AEBP1: variants seen among roughly 807,000 people sequenced by gnomAD.
AEBP1 encodes adipocyte enhancer-binding protein 1.
In AEBP1, 69 loss-of-function variants were observed where a neutral mutation model predicts 116.5. The ratio of observed to expected loss-of-function variants is 0.59; its 90% confidence interval spans 0.49 to 0.72. The LOEUF is 0.72. Among genes scored for constraint, AEBP1 ranks in the 30% least tolerant of loss-of-function variants. AEBP1 has a pLI of 0.00. For missense variants in AEBP1, 1,444 were observed against 1,557.5 expected (o/e 0.93, Z 1.23); for synonymous variants, 627 against 627.3 (o/e 1.00, Z 0.01).
rs1554327749 is a variant in AEBP1 at position 44,112,114 on chromosome 7, C to T, written c.2038-28C>T. 4 of 1,597,756 alleles carry T rather than the reference C, an allele frequency of 2.5e-6. No homozygotes were observed. The highest frequency in any genetic ancestry group is 3.4e-6 in the Non-Finnish European group (4 of 1,168,238). On this transcript the variant is annotated intron_variant, in intron 16 of 20. Transcript: ENST00000223357. This position sits in a 1 kb window ranked among gnomAD's most constrained non-coding sequence, Gnocchi z 6.6. ...TGGGGGTTGTGGGGGTGTGGGTAGC[C>T]GATGCCTACCCTGCTGGCTCCCCAC...
In AEBP1 at chr7:44,111,212, G is replaced by T; in HGVS notation, c.1689G>T (p.Arg563=). 6.6e-7 allele frequency: 1 copy of T among 1,515,700 alleles called. No individual in the cohort carries two copies. 93.9% of individuals were successfully genotyped at this position (1,515,700 alleles called of 1,614,324 possible). A position where few individuals can be genotyped will look rare whatever the true frequency, so the allele number is the denominator to read the frequency against. Residue 563 remains arginine, a synonymous_variant, in exon 14 of 21, where the codon CGG becomes CGT. Transcript: ENST00000223357. The surrounding 1 kb of genome is among the most constrained non-coding windows in gnomAD (Gnocchi z 4.7). ...TGGCCACCGATGACCTGGATTTCCG[G>T]CACCACAGCTACAAGGACATGCGCC... ...EVVATDDLDF[R]HHSYKDMRQL...
rs1346543844 is a variant in AEBP1, at chr7:44,110,346, A to G, written c.1400A>G (p.His467Arg). ...ACCCAGGGCAGAGACTCCAGCATCC[A>G]GTGCGTGGCCAGGCTCATGGATAGT... is the stretch of plus-strand genomic sequence containing the variant. ...VITQGRDSSI[H>R]DDFVTTFFVG... is the part of the protein sequence containing the mutation. The change falls in exon 11 of 21, where the codon CAT (histidine) becomes CGT (arginine). Residue 467 changes from histidine to arginine, a missense_variant and splice_region_variant. Transcript: ENST00000223357. 8 of 1,613,566 alleles carry G rather than the reference A, an allele frequency of 5.0e-6. No individual in the cohort carries two copies. The African/African-American group carries it at 1.1e-4, about 22-fold the overall frequency.
Position 44,113,994 on chromosome 7 carries a change from C to CGAGG in AEBP1, c.3210_3211insGAGG (p.Ile1071GlufsTer15). 6.2e-7 allele frequency: 1 copy of CGAGG among 1,613,972 alleles called. No homozygotes were observed. Among genetic ancestry groups the CGAGG allele is most frequent in the Non-Finnish European group, 8.5e-7 (1 of 1,179,954 alleles). Reference sequence around the variant, plus strand: ...GCACTACCATAGAGCCCTGGGGCCTCATACCGCCAACCACCGCTGGCTGGG... The same window carrying CGAGG: ...GCACTACCATAGAGCCCTGGGGCCTCGAGGATACCGCCAACCACCGCTGGCTGGG... On this transcript the variant is annotated frameshift_variant, in exon 21 of 21. Coordinates refer to ENST00000223357, the MANE Select transcript of AEBP1 (RefSeq NM_001129.5). LOFTEE classifies it low-confidence loss of function (END_TRUNC). The surrounding 1 kb of genome is among the most constrained non-coding windows in gnomAD (Gnocchi z 5.3).
At position 44,104,890 on chromosome 7, in the gene AEBP1, A is replaced by G; in HGVS notation, c.225A>G (p.Pro75=). The G allele has an allele frequency of 6.4e-7, 1 of 1,552,958 alleles. No homozygotes were observed. The highest frequency in any genetic ancestry group is 8.7e-7 in the Non-Finnish European group (1 of 1,148,390). Residue 75 remains proline, a synonymous_variant, in exon 1 of 21, where the codon CCA becomes CCG. Coordinates refer to ENST00000223357, the MANE Select transcript of AEBP1 (RefSeq NM_001129.5). ...GAAAAGCCCAGGCGGGGGGCAAGCC[A>G]GGGAAGCGGCCAGGGACGGCCGCAG... ...RVRKAQAGGK[P]GKRPGTAAEV...
intron 11 of AEBP1, 83 bp downstream of exon 11, chr7:44,110,429 T>C: frequency 6.3e-7 from 1 of 1,586,802 alleles, no homozygotes; most frequent in Non-Finnish European, 8.6e-7. Flanking sequence ...GAGATTCCAG[T>C]GGGCCCTTCT....
In AEBP1 at chr7:44,113,362, T is replaced by C. The variant is rs767557028; in HGVS notation, c.2809+11T>C. On this transcript the variant is annotated intron_variant, in intron 20 of 20. Transcript: ENST00000223357. This position sits in a 1 kb window ranked among gnomAD's most constrained non-coding sequence, Gnocchi z 5.3. ...ACGGCGTGAAGACAGGTACCTAGTGTGCACACCTTTACCCCATCTTTCTGA... is the reference window on the plus strand; with the variant it reads ...ACGGCGTGAAGACAGGTACCTAGTGCGCACACCTTTACCCCATCTTTCTGA... The C allele has an allele frequency of 2.5e-6, 4 of 1,606,596 alleles. No homozygotes were observed. The Admixed American group carries it at 6.8e-5, about 27-fold the overall frequency.
In AEBP1 at chr7:44,106,857, C is replaced by A; in HGVS notation, c.565C>A (p.Pro189Thr). The stretch of plus-strand genomic sequence containing the variant: ...GTGGCCACTGCCCCCACCCCCCAGC[C>A]CTGGCCCCGAGGAGCTACCCCAGGA... Reference protein sequence around the residue: ...LEWPLPPPPSPGPEELPQEGG... With the variant: ...LEWPLPPPPSTGPEELPQEGG... Residue 189 changes from proline (P) to threonine (T), a missense_variant, in exon 2 of 21, where the codon CCT becomes ACT. Pro to Thr is a conservative substitution (Grantham distance 38). Transcript: ENST00000223357. 1 of 1,595,896 alleles carries A rather than the reference C, an allele frequency of 6.3e-7. No homozygotes were observed. The highest frequency in any genetic ancestry group is 8.5e-7 in the Non-Finnish European group (1 of 1,172,810).
At position 44,113,499 on chromosome 7, in the gene AEBP1, C is replaced by T. The variant is rs1768663306; in HGVS notation, c.2810-95C>T. 7.9e-6 allele frequency: 10 copies of T among 1,263,760 alleles called. No individual in the cohort carries two copies. In the South Asian group the frequency reaches 1.4e-4, roughly 17 times the overall value. The allele number at this position is 1,263,760 out of a possible 1,614,324, so 78.3% of individuals were successfully genotyped here. On this transcript the variant is annotated intron_variant, in intron 20 of 20. Transcript: ENST00000223357. This position sits in a 1 kb window ranked among gnomAD's most constrained non-coding sequence, Gnocchi z 5.3. ...GAGGGCGGTGCTGGGGGCGGGAACT[C>T]AGAGGGGGAGGGCGGGGCTGGGGGC...
rs1189989178 is a variant in AEBP1 at position 44,112,650 on chromosome 7, C to T, written c.2310C>T (p.Ser770=). 1 of 1,613,296 alleles carries T rather than the reference C, an allele frequency of 6.2e-7. No individual in the cohort carries two copies. The highest frequency in any genetic ancestry group is 8.5e-7 in the Non-Finnish European group (1 of 1,179,968). ...ANLNGGERLV[S]YPYDMARTPT... ...TGAACGGCGGCGAGCGGCTAGTATC[C>T]TACCCCTACGATATGGCCCGCACGC... is the stretch of plus-strand genomic sequence containing the variant. The change falls in exon 18 of 21, where the codon TCC becomes TCT. Residue 770 remains serine (S), a synonymous_variant. Transcript: ENST00000223357. The surrounding 1 kb of genome is among the most constrained non-coding windows in gnomAD (Gnocchi z 6.6).
chr7:44,104,499 T>A lies in AEBP1; in HGVS notation c.-167T>A. On this transcript the variant is annotated 5_prime_UTR_variant, in exon 1 of 21. Coordinates refer to ENST00000223357, the MANE Select transcript of AEBP1 (RefSeq NM_001129.5). ...CCTTCCCGGGTCCCCTCGCCCACCCTAATCCACTCTCCCTCCCTTTCCCGG... is the reference window on the plus strand; with the variant it reads ...CCTTCCCGGGTCCCCTCGCCCACCCAAATCCACTCTCCCTCCCTTTCCCGG... 1.2e-5 allele frequency: 5 copies of A among 421,478 alleles called. No individual in the cohort carries two copies. Among genetic ancestry groups the A allele is most frequent in the Admixed American group, 4.7e-5 (1 of 21,186 alleles). The allele number at this position is 421,478 out of a possible 1,614,324, so 26.1% of individuals were successfully genotyped here. A position where few individuals can be genotyped will look rare whatever the true frequency, so the allele number is the denominator to read the frequency against.
In AEBP1 at chr7:44,108,055, A is replaced by T. The variant is rs1586046614; in HGVS notation, c.911A>T (p.Asp304Val). The change falls in exon 6 of 21, where the codon GAT (aspartate) becomes GTT (valine). Residue 304 changes from aspartate (D) to valine (V), a missense_variant. Coordinates refer to ENST00000223357, the MANE Select transcript of AEBP1 (RefSeq NM_001129.5). The surrounding 1 kb of genome is among the most constrained non-coding windows in gnomAD (Gnocchi z 5.0). ...LLPPLPPDYG[D>V]GYVIPNYDDM... is the part of the protein sequence containing the mutation. The stretch of plus-strand genomic sequence containing the variant: ...CCCCCGCTGCCCCCTGACTATGGTG[A>T]TGGTTACGTGATCCCCAACTACGAT... 1 of 1,601,300 alleles carries T rather than the reference A, an allele frequency of 6.2e-7. No individual in the cohort carries two copies. Among genetic ancestry groups the T allele is most frequent in the East Asian group, 2.3e-5 (1 of 44,184 alleles).
At chr7:44,106,432 C>T (rs748112178) in intron 1 of AEBP1, 114 bp from the exon 2 acceptor site, 9 of 1,156,694 alleles carry the variant, frequency 7.8e-6, no homozygotes, top group Middle Eastern at 2.0e-4. Context: ...TTTGCTGATC[C>T]GCACTGGGAA....
chr7:44,104,540 C>T lies in AEBP1; in HGVS notation c.-126C>T. On this transcript the variant is annotated 5_prime_UTR_variant, in exon 1 of 21. Coordinates refer to ENST00000223357, the MANE Select transcript of AEBP1 (RefSeq NM_001129.5). ...CCTTTCCCGGATTCCCTCGCTCACC[C>T]CATCCTCTCTCCCGCCCCTTCCTGG... The T allele has an allele frequency of 6.5e-6, 4 of 616,962 alleles. No homozygotes were observed. The highest frequency in any genetic ancestry group is 1.0e-5 in the Non-Finnish European group (4 of 388,698). The allele number at this position is 616,962 out of a possible 1,614,324, so 38.2% of individuals were successfully genotyped here. A position where few individuals can be genotyped will look rare whatever the true frequency, so the allele number is the denominator to read the frequency against.
rs1198897912 is a variant in AEBP1, at chr7:44,108,311, G to C, written c.940+227G>C. Among the ~76,000 whole-genome samples the C allele has an allele frequency of 6.6e-6, 1 of 152,030 alleles. No individual in the cohort carries two copies. ...CCGCTTCCCTGGTTCCTGCTTGGCTGTGACCCCCACAGGGGTGTCCCTAGG... is the reference window on the plus strand; with the variant it reads ...CCGCTTCCCTGGTTCCTGCTTGGCTCTGACCCCCACAGGGGTGTCCCTAGG... On this transcript the variant is annotated intron_variant, in intron 6 of 20. Coordinates refer to ENST00000223357, the MANE Select transcript of AEBP1 (RefSeq NM_001129.5). This position sits in a 1 kb window ranked among gnomAD's most constrained non-coding sequence, Gnocchi z 5.0.
In AEBP1 at chr7:44,104,764, G is replaced by A. The variant is rs766049309; in HGVS notation, c.99G>A (p.Glu33=). The change falls in exon 1 of 21, where the codon GAG becomes GAA. Residue 33 remains glutamate (E), a synonymous_variant. Coordinates refer to ENST00000223357, the MANE Select transcript of AEBP1 (RefSeq NM_001129.5). ...CGCAGACGGTGCTGACCGACGACGA[G>A]ATCGAGGAGTTCCTCGAGGGCTTCC... ...GRPQTVLTDD[E]IEEFLEGFLS... 8.1e-6 allele frequency: 13 copies of A among 1,611,612 alleles called. No homozygotes were observed. Among genetic ancestry groups the A allele is most frequent in the Non-Finnish European group, 1.0e-5 (12 of 1,179,578 alleles).
Position 44,114,259 on chromosome 7 carries a change from T to G in AEBP1, c.3475T>G (p.Ter1159GlyextTer54). ...CTACACAGTGAACTTTGGGGACTTCTGAGATCAGCGTCCTACCAAGACCCC... is the reference window on the plus strand; with the variant it reads ...CTACACAGTGAACTTTGGGGACTTCGGAGATCAGCGTCCTACCAAGACCCC... ...ETYTVNFGDF[*>G] The change falls in exon 21 of 21, where the codon TGA becomes GGA. Residue 1159 changes from the stop codon to glycine, a stop_lost. Transcript: ENST00000223357. The G allele has an allele frequency of 6.2e-7, 1 of 1,613,448 alleles. No homozygotes were observed. The highest frequency in any genetic ancestry group is 8.5e-7 in the Non-Finnish European group (1 of 1,179,444).
In AEBP1 at chr7:44,113,003, TCA is replaced by T; in HGVS notation, c.2583_2584del (p.Phe861LeufsTer17). On this transcript the variant is annotated frameshift_variant, in exon 19 of 21. Transcript: ENST00000223357. LOFTEE classifies it high-confidence loss of function. The surrounding 1 kb of genome is among the most constrained non-coding windows in gnomAD (Gnocchi z 5.3). ...TGTCCCCGGCCAGCTATCAATGACT[TCA>T]GTTACCTGCATACCAACTGCCTGGA... is the stretch of plus-strand genomic sequence containing the variant. 6.2e-7 allele frequency: 1 copy of T among 1,614,048 alleles called. No homozygotes were observed. Among genetic ancestry groups the T allele is most frequent in the Middle Eastern group, 1.6e-4 (1 of 6,062 alleles).
In AEBP1 at chr7:44,110,247, G is replaced by A. The variant is rs1260276340; in HGVS notation, c.1301G>A (p.Cys434Tyr). The A allele has an allele frequency of 1.9e-6, 3 of 1,613,778 alleles. No homozygotes were observed. Among genetic ancestry groups the A allele is most frequent in the South Asian group, 1.1e-5 (1 of 91,088 alleles). ...TEDDYYDGAW[C>Y]AEDDARTQWI... ...GACGACTACTATGATGGTGCGTGGTGTGCCGAGGACGATGCCAGGACCCAG... is the reference window on the plus strand; with the variant it reads ...GACGACTACTATGATGGTGCGTGGTATGCCGAGGACGATGCCAGGACCCAG... The change falls in exon 11 of 21, where the codon TGT becomes TAT. Residue 434 changes from cysteine (C) to tyrosine (Y), a missense_variant. Cys to Tyr is a radical substitution (Grantham distance 194). Coordinates refer to ENST00000223357, the MANE Select transcript of AEBP1 (RefSeq NM_001129.5).
rs376262022 is a variant in AEBP1, at chr7:44,108,049, A to G, written c.905A>G (p.Tyr302Cys). 9.4e-6 allele frequency: 15 copies of G among 1,601,326 alleles called. No homozygotes were observed. In the African/African-American group the frequency reaches 1.7e-4, roughly 19 times the overall value. ...KPLLPPLPPDYGDGYVIPNYD... is the reference protein window; with the variant it reads ...KPLLPPLPPDCGDGYVIPNYD... ...CTGCTGCCCCCGCTGCCCCCTGACTATGGTGATGGTTACGTGATCCCCAAC... is the reference window on the plus strand; with the variant it reads ...CTGCTGCCCCCGCTGCCCCCTGACTGTGGTGATGGTTACGTGATCCCCAAC... The change falls in exon 6 of 21, where the codon TAT becomes TGT. Residue 302 changes from tyrosine to cysteine, a missense_variant. Transcript: ENST00000223357. This position sits in a 1 kb window ranked among gnomAD's most constrained non-coding sequence, Gnocchi z 5.0.
Sources: allele counts gnomAD v4.1 joint callset (sites outside exome capture counted in the v4.1 genomes callset), GRCh38; gene constraint gnomAD v4.1.1; non-coding constraint Gnocchi (gnomAD v3.1); transcripts MANE v1.5; gene names NCBI Gene and HGNC (gene_info 2026-07-23, HGNC 2026-07-21).